MOB1A: variants seen among roughly 807,000 people sequenced by gnomAD.
The protein encoded by MOB1A is MOB1 Mps One Binder homolog A.
Under a neutral mutation model 25.1 loss-of-function variants are expected in MOB1A, and 10 were observed. The observed-to-expected ratio is 0.40, with a 90% CI of 0.25 to 0.68. The LOEUF (loss-of-function observed/expected upper bound fraction) is 0.68, where lower values mean the gene tolerates loss of function less well. Ranked by LOEUF, MOB1A falls within the 30% of genes least tolerant of loss-of-function variation. The probability of loss-of-function intolerance (pLI) is 0.40; values close to 1 mark genes in which losing one functional copy is unlikely to be tolerated. For synonymous variants in MOB1A, 81 were observed against 79.5 expected (o/e 1.02, Z -0.10); for missense variants, 177 against 256.3 (o/e 0.69, Z 2.11).
intron 1 of MOB1A, among the ~76,000 whole-genome samples, chr2:74,176,342 A>G (rs565752948): frequency 1.3e-5 from 2 of 151,022 alleles, no homozygotes; most frequent in African/African-American, 2.4e-5. Context: ...TCATATCTGA[A>G]AAGTTTTTAA....
At chr2:74,174,803 G>A (rs1241110864) in intron 1 of MOB1A, among the ~76,000 whole-genome samples, 10 of 152,182 alleles carry the variant, frequency 6.6e-5, no homozygotes, top group Admixed American at 5.2e-4. Flanking sequence ...TCTGTAACTC[G>A]TTAAGAATAT....
At chr2:74,175,967 C>T (rs189064928) in intron 1 of MOB1A, among the ~76,000 whole-genome samples, 2 of 151,788 alleles carry the variant, frequency 1.3e-5, no homozygotes, top group East Asian at 1.9e-4. Context: ...AAAAAAGAGC[C>T]GGGTGCAGTG....
intron 3 of MOB1A, 88 bp from the exon 4 acceptor site, chr2:74,165,439 G>T (rs927509493): frequency 2.7e-6 from 2 of 739,282 alleles, no homozygotes; most frequent in Admixed American, 3.9e-5. Context: ...TTCACATTTT[G>T]TCAATAGAAG....
At chr2:74,176,491 GC>G (rs1558840964) in intron 1 of MOB1A, among the ~76,000 whole-genome samples, 1 of 151,896 alleles carries the variant, frequency 6.6e-6, no homozygotes, top group Admixed American at 6.6e-5. Context: ...AAGGCCGGGC[GC>G]AGTGGCTCAC....
In MOB1A at chr2:74,159,149, T is replaced by C; in HGVS notation, c.515A>G (p.Gln172Arg). 1 of 1,614,032 alleles carries C rather than the reference T, an allele frequency of 6.2e-7. No individual in the cohort carries two copies. The highest frequency in any genetic ancestry group is 8.5e-7 in the Non-Finnish European group (1 of 1,179,886). ...IYHQHFDSVM[Q>R]LQEEAHLNTS... is the part of the protein sequence containing the mutation. ...GTTGAGGTGGGCCTCCTCTTGCAGC[T>C]GCATCACAGAATCAAAGTGCTGGTG... Residue 172 changes from glutamine to arginine, a missense_variant, in exon 5 of 6, where the codon CAG becomes CGG. Coordinates refer to ENST00000396049, the MANE Select transcript of MOB1A (RefSeq NM_018221.5).
chr2:74,159,033 T>A lies in MOB1A; in HGVS notation c.573+58A>T, dbSNP rs192817421. On this transcript the variant is annotated intron_variant, in intron 5 of 5. Coordinates refer to ENST00000396049, the MANE Select transcript of MOB1A (RefSeq NM_018221.5). ...TAAGACACACAGCTCTTTGTTGAAGTTCCCAATCCAAATAAGTCCAAGTCA... is the reference window on the plus strand; with the variant it reads ...TAAGACACACAGCTCTTTGTTGAAGATCCCAATCCAAATAAGTCCAAGTCA... The A allele has an allele frequency of 6.4e-6, 10 of 1,555,970 alleles. No individual in the cohort carries two copies. In the African/African-American group the frequency reaches 6.9e-5, roughly 11 times the overall value.
chr2:74,155,462 T>C lies in MOB1A; in HGVS notation c.*1106A>G, dbSNP rs149692111. ...ACTCACTCACTCTCTCAAGAATAGG[T>C]AGCACACCAAAACTTTATCTGTGTT... On this transcript the variant is annotated 3_prime_UTR_variant, in exon 6 of 6. Transcript: ENST00000396049. 16 of 152,720 alleles carry C rather than the reference T, an allele frequency of 1.0e-4. No individual in the cohort carries two copies. The highest frequency in any genetic ancestry group is 3.8e-4 in the African/African-American group (16 of 41,582). 9.5% of individuals were successfully genotyped at this position (152,720 alleles called of 1,614,324 possible).
intron 1 of MOB1A, chr2:74,177,910 T>G (rs993189408): frequency 1.3e-5 from 2 of 152,158 alleles, no homozygotes; most frequent in Non-Finnish European, 2.9e-5. Flanking sequence ...CCTTGTTTGG[T>G]TGGGCTCAGG....
chr2:74,161,106 CT>C, intron 4 of MOB1A, among the ~76,000 whole-genome samples: 1 of 152,272 alleles, frequency 6.6e-6, no homozygotes, highest in Admixed American at 6.5e-5. Flanking sequence ...CCTTAAAGGC[CT>C]GTTCCACAAC....
intron 1 of MOB1A, 105 bp downstream of exon 1, chr2:74,178,556 C>T: frequency 1.2e-6 from 1 of 815,964 alleles, no homozygotes. Flanking sequence ...CCAGCTACCC[C>T]GCCCCCGCCT....
At chr2:74,163,069 C>T (rs1287046847) in intron 4 of MOB1A, among the ~76,000 whole-genome samples, 2 of 152,096 alleles carry the variant, frequency 1.3e-5, no homozygotes, top group Non-Finnish European at 2.9e-5. Flanking sequence ...GCCAAGATTT[C>T]GGCTTACTGC....
chr2:74,177,406 C>T (rs1016014340), intron 1 of MOB1A, among the ~76,000 whole-genome samples: 1 of 152,084 alleles, frequency 6.6e-6, no homozygotes, highest in African/African-American at 2.4e-5. Context: ...AGCAACTGTG[C>T]ATTCACTAAT....
intron 1 of MOB1A, among the ~76,000 whole-genome samples, chr2:74,174,131 C>T (rs1327655319): frequency 2.7e-5 from 4 of 150,166 alleles, no homozygotes; most frequent in African/African-American, 4.9e-5. Context: ...ATTAGCTGGG[C>T]GTGGTGGCAC....
chr2:74,159,757 T>A (rs545417099), intron 4 of MOB1A, among the ~76,000 whole-genome samples: 1 of 152,030 alleles, frequency 6.6e-6, no homozygotes, highest in Non-Finnish European at 1.5e-5. Context: ...GGTATCAAAT[T>A]ATGTAAGATG....
intron 1 of MOB1A, among the ~76,000 whole-genome samples, chr2:74,176,274 T>C (rs1252814316): frequency 1.8e-4 from 3 of 17,058 alleles, no homozygotes; most frequent in African/African-American, 9.5e-4. Context: ...AGACCCTGTC[T>C]CAAAAAAAAA....
At chr2:74,169,223 C>T (rs1275039547) in intron 2 of MOB1A, among the ~76,000 whole-genome samples, 3 of 152,064 alleles carry the variant, frequency 2.0e-5, no homozygotes, top group Admixed American at 1.3e-4. Context: ...GAATTTGGGC[C>T]GGGTGCAGTG....
intron 2 of MOB1A, among the ~76,000 whole-genome samples, chr2:74,170,120 T>TTTTGTTTG (rs55987024): frequency 5.9e-5 from 9 of 151,416 alleles, no homozygotes; most frequent in East Asian, 2.0e-4. Context: ...CTGAATAAAG[T>TTTTGTTTG]TTTGTTTGTT....
intron 1 of MOB1A, among the ~76,000 whole-genome samples, chr2:74,175,834 G>C (rs188569623): frequency 1.2e-4 from 19 of 152,106 alleles, no homozygotes; most frequent in Admixed American, 7.9e-4. Flanking sequence ...TAAATACATA[G>C]AAAATATCAA....
At chr2:74,168,076 T>C (rs1693182611) in intron 2 of MOB1A, among the ~76,000 whole-genome samples, 1 of 152,048 alleles carries the variant, frequency 6.6e-6, no homozygotes, top group Non-Finnish European at 1.5e-5. Context: ...GAGGCTGAGG[T>C]TGCCGTGAGC....
Sources: gnomAD v4.1 joint callset for allele counts (sites outside exome capture counted in the v4.1 genomes callset) on GRCh38, gnomAD v4.1.1 for gene constraint, MANE v1.5 for transcripts, NCBI Gene and HGNC (gene_info 2026-07-23, HGNC 2026-07-21) for gene names.